Variants in NLRC4 observed in about 807,000 individuals in gnomAD.
The protein encoded by NLRC4 is NLR family CARD domain containing 4, also known as NLR family CARD domain-containing protein 4.
NLRC4 carries 63 observed loss-of-function variants against 79.9 expected under a neutral mutation model. The ratio of observed to expected loss-of-function variants is 0.79; its 90% CI spans 0.64 to 0.97. The LOEUF (loss-of-function observed/expected upper bound fraction) is 0.97, where lower values mean the gene tolerates loss of function less well. Ranked by LOEUF, NLRC4 falls within the 50% of genes least tolerant of loss-of-function variation. The pLI, the probability that NLRC4 is intolerant of heterozygous loss-of-function variation, is 0.00. For missense variants in NLRC4, 1,074 were observed against 1,215.2 expected (o/e 0.88, Z 1.73); for synonymous variants, 461 against 456.5 (o/e 1.01, Z -0.12).
intron 5 of NLRC4, 71 bp downstream of exon 5, chr2:32,240,962 G>T: frequency 2.1e-6 from 2 of 944,598 alleles, no homozygotes; most frequent in South Asian, 1.3e-5. Flanking sequence ...CACAGCCAAT[G>T]TCAGAGCCTG....
At position 32,236,167 on chromosome 2, in the gene NLRC4, C is replaced by T. The variant is rs373238089; in HGVS notation, c.2614+80G>A. 2.5e-4 allele frequency: 212 copies of T among 846,524 alleles called. 2 individuals carry two copies. Among genetic ancestry groups the T allele is most frequent in the African/African-American group, 2.2e-3 (130 of 58,082 alleles). 52.4% of individuals were successfully genotyped at this position (846,524 alleles called of 1,614,324 possible). A position where few individuals can be genotyped will look rare whatever the true frequency, so the allele number is the denominator to read the frequency against. ...GTAAGGCACACATGGGTATAAAAGA[C>T]CTCAGGACCCAGGCTATGTATTTCG... On this transcript the variant is annotated intron_variant, in intron 7 of 8. Transcript: ENST00000402280.
At chr2:32,241,248 C>G (rs1172992647) in intron 4 of NLRC4, 123 bp from the exon 5 acceptor site, 2 of 654,380 alleles carry the variant, frequency 3.1e-6, no homozygotes, top group African/African-American at 3.8e-5. Flanking sequence ...GCCAAAAATG[C>G]TCATGAAATA....
chr2:32,235,695 T>A, intron 7 of NLRC4, 127 bp from the exon 8 acceptor site: 1 of 757,326 alleles, frequency 1.3e-6, no homozygotes, highest in Non-Finnish European at 2.1e-6. Context: ...GTAATGAGAA[T>A]CTACTTAATT....
At chr2:32,224,802 A>AT (rs3832075) in intron 8 of NLRC4, 37 bp from the exon 9 acceptor site, 11 of 1,154,526 alleles carry the variant, frequency 9.5e-6, no homozygotes, top group South Asian at 7.2e-5. Flanking sequence ...TGGAAGAAAA[A>AT]TTTTTTTTAA....
chr2:32,250,702 G>A lies in NLRC4; in HGVS notation c.1162C>T (p.Arg388Trp), dbSNP rs938626438. The A allele has an allele frequency of 2.4e-5, 39 of 1,614,024 alleles. No homozygotes were observed. Among genetic ancestry groups the A allele is most frequent in the African/African-American group, 1.6e-4 (12 of 74,916 alleles). Residue 388 changes from arginine (R) to tryptophan (W), a missense_variant, in exon 4 of 9, where the codon CGG becomes TGG. Transcript: ENST00000402280. The surrounding 1 kb of genome is among the most constrained non-coding windows in gnomAD (Gnocchi z 4.9). The part of the protein sequence containing the change: ...HKGVAASDFI[R>W]SLDHCGDLAL... Reference sequence around the variant, plus strand: ...AGGTCTCCACAGTGGTCCAGGCTCCGAATGAAGTCACTTGCAGCCACACCT... The same window carrying A: ...AGGTCTCCACAGTGGTCCAGGCTCCAAATGAAGTCACTTGCAGCCACACCT...
At chr2:32,233,916 T>A (rs558394190) in intron 8 of NLRC4, among the ~76,000 whole-genome samples, 1 of 152,314 alleles carries the variant, frequency 6.6e-6, no homozygotes, top group South Asian at 2.1e-4. Context: ...GGGTTCTATC[T>A]CTCTCTTTAG....
intron 8 of NLRC4, among the ~76,000 whole-genome samples, chr2:32,229,582 A>G (rs1249830152): frequency 6.6e-6 from 1 of 152,202 alleles, no homozygotes; most frequent in African/African-American, 2.4e-5. Flanking sequence ...AGTCAAGCAA[A>G]ACATGGCAAA....
At chr2:32,251,703 T>C (rs1687082891) in intron 3 of NLRC4, 102 bp from the exon 4 acceptor site, 2 of 761,582 alleles carry the variant, frequency 2.6e-6, no homozygotes, top group Non-Finnish European at 2.2e-6. Flanking sequence ...GAATCTGCCA[T>C]TGGTGAATGT....
Position 32,250,141 on chromosome 2 carries a change from A to G in NLRC4, c.1723T>C (p.Phe575Leu). Residue 575 changes from phenylalanine to leucine, a missense_variant, in exon 4 of 9, where the codon TTT becomes CTT. Phe to Leu is a conservative substitution (Grantham distance 22). Transcript: ENST00000402280. This position sits in a 1 kb window ranked among gnomAD's most constrained non-coding sequence, Gnocchi z 4.9. ...CTTTTACCTTGAAAGAAAGCTTCAA[A>G]TTCTTGGCTCAGGGCTGATTTGGAT... The part of the protein sequence containing the change: ...STSKSALSQE[F>L]EAFFQGKSLY... 1 of 1,614,160 alleles carries G rather than the reference A, an allele frequency of 6.2e-7. No homozygotes were observed. The highest frequency in any genetic ancestry group is 1.1e-5 in the South Asian group (1 of 91,082).
intron 4 of NLRC4, among the ~76,000 whole-genome samples, chr2:32,247,945 C>T (rs2148940574): frequency 6.6e-6 from 1 of 152,166 alleles, no homozygotes; most frequent in East Asian, 1.9e-4. Context: ...TACTCACTTA[C>T]AAGTGGGAGC....
intron 8 of NLRC4, among the ~76,000 whole-genome samples, chr2:32,227,471 T>A (rs764232522): frequency 6.6e-6 from 1 of 152,196 alleles, no homozygotes; most frequent in Non-Finnish European, 1.5e-5. Context: ...TCCATATGCT[T>A]CCCAGCATGG....
Position 32,233,442 on chromosome 2 carries a change from T to G in NLRC4, c.2782+1959A>C, listed in dbSNP as rs532833473. 3.4e-4 allele frequency among the ~76,000 whole-genome samples: 51 copies of G among 149,830 alleles called. No homozygotes were observed. The East Asian group carries it at 7.9e-3, about 23-fold the overall frequency. On this transcript the variant is annotated intron_variant, in intron 8 of 8. Transcript: ENST00000402280. The stretch of plus-strand genomic sequence containing the variant: ...TCTGGGCTCAAGCAGTCCTCCCACC[T>G]TGGCCTCTCAAAGTGCTGGGATTAT...
chr2:32,230,436 A>AT (rs1328958901), intron 8 of NLRC4, among the ~76,000 whole-genome samples: 1 of 149,076 alleles, frequency 6.7e-6, no homozygotes, highest in African/African-American at 2.5e-5. Flanking sequence ...AACTGCTGGG[A>AT]TTACAAACGT....
Position 32,250,788 on chromosome 2 carries a change from T to C in NLRC4, c.1076A>G (p.Gln359Arg). Residue 359 changes from glutamine to arginine, a missense_variant, in exon 4 of 9, where the codon CAA becomes CGA. By Grantham distance (43) the Gln-to-Arg change is conservative (BLOSUM62 1). Transcript: ENST00000402280. The surrounding 1 kb of genome is among the most constrained non-coding windows in gnomAD (Gnocchi z 4.9). ...MGESEFHSHT[Q>R]TTLFHTFYDL... ...ATAGAAGGTATGGAACAGCGTTGTT[T>C]GTGTGTGAGAGTGGAACTCACTTTC... The C allele has an allele frequency of 1.2e-6, 2 of 1,614,206 alleles. No homozygotes were observed. The highest frequency in any genetic ancestry group is 1.7e-6 in the Non-Finnish European group (2 of 1,180,024).
At chr2:32,240,900 G>C in intron 5 of NLRC4, 133 bp downstream of exon 5, 1 of 605,286 alleles carries the variant, frequency 1.7e-6, no homozygotes, top group Non-Finnish European at 2.9e-6. Flanking sequence ...GAAAATGTCT[G>C]GGGAAACCAA....
At chr2:32,253,700 C>A (rs1185738656) in intron 2 of NLRC4, among the ~76,000 whole-genome samples, 2 of 151,892 alleles carry the variant, frequency 1.3e-5, no homozygotes, top group Non-Finnish European at 2.9e-5. Flanking sequence ...TGCGGTGGCT[C>A]ACACCTGTAA....
chr2:32,240,991 A>T, intron 5 of NLRC4, 42 bp downstream of exon 5: 1 of 1,272,960 alleles, frequency 7.9e-7, no homozygotes, highest in Non-Finnish European at 1.1e-6. Context: ...TCCTCTTATT[A>T]TCAAACTTAC....
intron 6 of NLRC4, 84 bp from the exon 7 acceptor site, chr2:32,236,423 T>TC: frequency 1.4e-6 from 1 of 713,348 alleles, no homozygotes; most frequent in Non-Finnish European, 2.1e-6. Context: ...TAATTCTGAG[T>TC]TTTATCTTCT....
chr2:32,224,661 T>C lies in NLRC4; in HGVS notation c.2887A>G (p.Asn963Asp), dbSNP rs1381049091. Residue 963 changes from asparagine (N) to aspartate (D), a missense_variant, in exon 9 of 9, where the codon AAT (asparagine) becomes GAT (aspartate). By Grantham distance (23) the Asn-to-Asp change is conservative. Coordinates refer to ENST00000402280, the MANE Select transcript of NLRC4 (RefSeq NM_001199138.2). ...TCAAAAAACACTAATTGCTTAAGAT[T>C]CTCAAATACACCCATGAAGGCAAGC... Reference protein sequence around the residue: ...GWLAFMGVFENLKQLVFFDFS... With the variant: ...GWLAFMGVFEDLKQLVFFDFS... 6 of 1,613,270 alleles carry C rather than the reference T, an allele frequency of 3.7e-6. No homozygotes were observed. The highest frequency in any genetic ancestry group is 5.1e-6 in the Non-Finnish European group (6 of 1,179,318).
Sources: gnomAD v4.1 joint callset for allele counts (sites outside exome capture counted in the v4.1 genomes callset) on GRCh38, gnomAD v4.1.1 for gene constraint, Gnocchi (gnomAD v3.1) non-coding constraint, MANE v1.5 for transcripts, NCBI Gene and HGNC (gene_info 2026-07-23, HGNC 2026-07-21) for gene names.